UBR4: variants seen among roughly 807,000 people sequenced by gnomAD.
UBR4 encodes ubiquitin protein ligase E3 component n-recognin 4.
In UBR4, 124 loss-of-function variants were observed where a neutral mutation model predicts 575.6. The observed-to-expected ratio is 0.22, with a 90% CI of 0.19 to 0.25. UBR4 has a LOEUF of 0.25. Ranked by LOEUF, UBR4 falls within the 10% of genes least tolerant of loss-of-function variation. The pLI, the probability that UBR4 is intolerant of heterozygous loss-of-function variation, is 1.00. For synonymous variants in UBR4, 2,455 were observed against 2,473.7 expected (o/e 0.99, Z 0.22); for missense variants, 4,818 against 6,478.8 (o/e 0.74, Z 8.80).
At chr1:19,192,627 G>A (rs1344069629) in intron 9 of UBR4, 87 bp from the exon 10 acceptor site, 1 of 1,413,998 alleles carries the variant, frequency 7.1e-7, no homozygotes, top group African/African-American at 1.4e-5. Context: ...AATTTAACTT[G>A]AAGAGTTCAA....
At chr1:19,158,075 C>A in intron 39 of UBR4, 78 bp from the exon 40 acceptor site, 2 of 1,463,734 alleles carry the variant, frequency 1.4e-6, no homozygotes, top group Non-Finnish European at 1.9e-6. Flanking sequence ...TATTCATGTG[C>A]CTGAGACACT....
chr1:19,094,302 T>C (rs1009181872), intron 94 of UBR4, among the ~76,000 whole-genome samples, 163 bp from the exon 95 acceptor site: 2 of 152,196 alleles, frequency 1.3e-5, no homozygotes, highest in Non-Finnish European at 2.9e-5. Context: ...AGTCGGAGTT[T>C]CACTTGAGAA....
intron 49 of UBR4, 37 bp downstream of exon 49, chr1:19,150,540 T>G (rs768398504): frequency 7.5e-6 from 12 of 1,602,268 alleles, no homozygotes; most frequent in Non-Finnish European, 1.0e-5. Flanking sequence ...GAGTGGAATA[T>G]GTAAAAACTG....
chr1:19,100,227 G>T lies in UBR4; in HGVS notation c.13221+149C>A. The T allele has an allele frequency of 2.6e-6, 2 of 766,500 alleles. No individual in the cohort carries two copies. The highest frequency in any genetic ancestry group is 2.2e-6 in the Non-Finnish European group (1 of 465,092). 47.5% of individuals were successfully genotyped at this position (766,500 alleles called of 1,614,324 possible). On this transcript the variant is annotated intron_variant, in intron 89 of 105. Coordinates refer to ENST00000375254, the MANE Select transcript of UBR4 (RefSeq NM_020765.3). This position sits in a 1 kb window ranked among gnomAD's most constrained non-coding sequence, Gnocchi z 4.2. Reference sequence around the variant, plus strand: ...TAGCACTAGGTGAGGTAGAAAGGTGGGAATCATTAACCCCAACTTACAGAG... The same window carrying T: ...TAGCACTAGGTGAGGTAGAAAGGTGTGAATCATTAACCCCAACTTACAGAG...
In UBR4 at chr1:19,174,438, C is replaced by A. The variant is rs187255507; in HGVS notation, c.2863G>T (p.Val955Phe). The A allele has an allele frequency of 6.2e-7, 1 of 1,608,960 alleles. No individual in the cohort carries two copies. The highest frequency in any genetic ancestry group is 1.1e-5 in the South Asian group (1 of 90,836). Residue 955 changes from valine (V) to phenylalanine (F), a missense_variant, in exon 22 of 106, where the codon GTC becomes TTC. By Grantham distance (50) the Val-to-Phe change is conservative. Transcript: ENST00000375254. The stretch of plus-strand genomic sequence containing the variant: ...TACTTGACAAGCTTGGAGAAAAGGA[C>A]GTCACATGCCTGACATCAAGAAAGA... ...LNRLDSVACDVLFSKLVKYDE... is the reference protein window; with the variant it reads ...LNRLDSVACDFLFSKLVKYDE...
At chr1:19,180,148 A>G (rs2090740460) in intron 17 of UBR4, among the ~76,000 whole-genome samples, 1 of 152,058 alleles carries the variant, frequency 6.6e-6, no homozygotes, top group Non-Finnish European at 1.5e-5. Context: ...GAAGGTCTCT[A>G]AGTGGTAAAG....
chr1:19,108,394 C>G (rs1000784205), intron 81 of UBR4, among the ~76,000 whole-genome samples: 1 of 152,054 alleles, frequency 6.6e-6, no homozygotes, highest in African/African-American at 2.4e-5. Flanking sequence ...CCATTTTTTT[C>G]AAGCACAAGC....
In UBR4 at chr1:19,126,563, T is replaced by G; in HGVS notation, c.9321A>C (p.Glu3107Asp). 6.2e-7 allele frequency: 1 copy of G among 1,614,216 alleles called. No homozygotes were observed. Among genetic ancestry groups the G allele is most frequent in the East Asian group, 2.2e-5 (1 of 44,886 alleles). Residue 3107 changes from glutamate to aspartate, a missense_variant, in exon 64 of 106, where the codon GAA becomes GAC. Physicochemically the swap from Glu to Asp is conservative, Grantham distance 45. Coordinates refer to ENST00000375254, the MANE Select transcript of UBR4 (RefSeq NM_020765.3). The stretch of plus-strand genomic sequence containing the variant: ...CGTCATTCTGTTGGCTCTTCCAATA[T>G]TCCAGCAGTGATTTGAGCACGTGCA... ...YCLHVLKSLL[E>D]YWKSQQNDEE... is the part of the protein sequence containing the mutation.
In UBR4 at chr1:19,089,134, A is replaced by G. The variant is rs1365110862; in HGVS notation, c.14212-157T>C. On this transcript the variant is annotated intron_variant, in intron 97 of 105. Transcript: ENST00000375254. The surrounding 1 kb of genome is among the most constrained non-coding windows in gnomAD (Gnocchi z 4.3). The stretch of plus-strand genomic sequence containing the variant: ...TTTGATTCCACACTTTGACAGACAC[A>G]GACAAATGGAAGAGGGTTTGGCTCT... 6.6e-6 allele frequency among the ~76,000 whole-genome samples: 1 copy of G among 152,256 alleles called. No homozygotes were observed. The highest frequency in any genetic ancestry group is 1.5e-5 in the Non-Finnish European group (1 of 68,038).
chr1:19,192,668 A>T (rs2092180009), intron 9 of UBR4, 128 bp from the exon 10 acceptor site: 23 of 983,600 alleles, frequency 2.3e-5, no homozygotes, highest in Admixed American at 4.1e-5. Flanking sequence ...ATTCCATCGT[A>T]CTTTCCTTGA....
rs1400814608 is a variant in UBR4, at chr1:19,088,939, C to T, written c.14250G>A (p.Lys4750=). The change falls in exon 98 of 106, where the codon AAG becomes AAA. Residue 4750 remains lysine, a synonymous_variant. Coordinates refer to ENST00000375254, the MANE Select transcript of UBR4 (RefSeq NM_020765.3). This position sits in a 1 kb window ranked among gnomAD's most constrained non-coding sequence, Gnocchi z 4.0. ...IGTDSIPNLH[K]LEQVSSDEGI... ...CCTCATCACTGGACACCTGCTCCAGCTTATGCAGGTTCGGGATGGAATCAG... is the reference window on the plus strand; with the variant it reads ...CCTCATCACTGGACACCTGCTCCAGTTTATGCAGGTTCGGGATGGAATCAG... 6 of 1,614,240 alleles carry T rather than the reference C, an allele frequency of 3.7e-6. No homozygotes were observed. The highest frequency in any genetic ancestry group is 5.1e-6 in the Non-Finnish European group (6 of 1,180,044).
At chr1:19,175,143 C>T (rs2090086825) in intron 20 of UBR4, 110 bp from the exon 21 acceptor site, 4 of 992,634 alleles carry the variant, frequency 4.0e-6, no homozygotes, top group Non-Finnish European at 4.4e-6. Flanking sequence ...CCAACCTTAA[C>T]AATATTGACA....
In UBR4 at chr1:19,105,238, G is replaced by A. The variant is rs74056752; in HGVS notation, c.12504-49C>T. 2,992 of 1,582,214 alleles carry A rather than the reference G, an allele frequency of 1.9e-3. 47 individuals carry two copies. The African/African-American group carries it at 0.036, about 19-fold the overall frequency. ...CTCTAGTCAAGAACTCTAGCATTTC[G>A]AACAGCTCCAAGGCTCCCCTTTCTC... On this transcript the variant is annotated intron_variant, in intron 84 of 105. Transcript: ENST00000375254.
intron 104 of UBR4, 187 bp downstream of exon 104, chr1:19,077,789 C>T: frequency 6.6e-7 from 1 of 1,526,560 alleles, no homozygotes; most frequent in Middle Eastern, 1.9e-4. Context: ...ATGTACCTCA[C>T]AGACACAAGG....
At position 19,144,916 on chromosome 1, in the gene UBR4, G is replaced by C. The variant is rs2084630213; in HGVS notation, c.7946-9C>G. 6.2e-7 allele frequency: 1 copy of C among 1,611,288 alleles called. No homozygotes were observed. The highest frequency in any genetic ancestry group is 8.5e-7 in the Non-Finnish European group (1 of 1,179,314). On this transcript the variant is annotated splice_polypyrimidine_tract_variant and intron_variant, in intron 53 of 105. Coordinates refer to ENST00000375254, the MANE Select transcript of UBR4 (RefSeq NM_020765.3). ...TTCAATATGAGTTAGTCCTAAAGGAGAGACAAACATTATTTGAAAATCTGG... is the reference window on the plus strand; with the variant it reads ...TTCAATATGAGTTAGTCCTAAAGGACAGACAAACATTATTTGAAAATCTGG...
intron 52 of UBR4, 110 bp downstream of exon 52, chr1:19,146,716 C>T: frequency 7.0e-7 from 1 of 1,434,970 alleles, no homozygotes; most frequent in East Asian, 2.3e-5. Flanking sequence ...AGCAAAATCC[C>T]TGTCTCTGAG....
At chr1:19,184,895 G>A (rs1425547866) in intron 15 of UBR4, among the ~76,000 whole-genome samples, 1 of 152,206 alleles carries the variant, frequency 6.6e-6, no homozygotes, top group East Asian at 1.9e-4. Context: ...AAGCCATTAA[G>A]TGATTCTAAA....
chr1:19,116,199 ATC>A (rs2080509209), intron 73 of UBR4, among the ~76,000 whole-genome samples: 1 of 152,236 alleles, frequency 6.6e-6, no homozygotes. Context: ...AACTCATTTA[ATC>A]CTTAAACCCT....
intron 68 of UBR4, 138 bp downstream of exon 68, chr1:19,121,051 T>C (rs2081117676): frequency 8.3e-7 from 1 of 1,211,062 alleles, no homozygotes; most frequent in Non-Finnish European, 1.2e-6. Flanking sequence ...AGACCAAAAG[T>C]AGACACTAGA....
Sources: gnomAD v4.1 joint callset for allele counts (sites outside exome capture counted in the v4.1 genomes callset) on GRCh38, gnomAD v4.1.1 for gene constraint, Gnocchi (gnomAD v3.1) non-coding constraint, MANE v1.5 for transcripts, NCBI Gene and HGNC (gene_info 2026-07-23, HGNC 2026-07-21) for gene names.